The following TRIM17 variants were observed in gnomAD, a reference collection of about 807,000 sequenced individuals.
TRIM17 encodes the protein tripartite motif containing 17, also known as E3 ubiquitin-protein ligase TRIM17.
TRIM17 carries 27 observed loss-of-function variants against 35.8 expected under a neutral mutation model. The ratio of observed to expected loss-of-function variants is 0.75; its 90% CI spans 0.56 to 1.04. TRIM17 has a LOEUF of 1.04. Ranked by LOEUF, TRIM17 falls within the 50% of genes least tolerant of loss-of-function variation. The pLI is 0.00. For synonymous variants in TRIM17, 246 were observed against 252.6 expected, an observed-to-expected ratio of 0.97 and a Z score of 0.25; for missense variants, 582 against 612.8, an observed-to-expected ratio of 0.95 and a Z score of 0.53.
intron 5 of TRIM17, 50 bp from the exon 6 acceptor site, chr1:228,409,325 G>A (rs1214118404): frequency 1.2e-6 from 2 of 1,609,180 alleles, no homozygotes; most frequent in East Asian, 4.5e-5. Context: ...TGGCCCGACA[G>A]TCTTATTGTC....
rs1278856933 is a variant in TRIM17 at position 228,408,397 on chromosome 1, T to C, written c.1238A>G (p.Glu413Gly). 1 of 1,614,136 alleles carries C rather than the reference T, an allele frequency of 6.2e-7. No homozygotes were observed. ...FSALTPVMLM[E>G]PPSHMGIFLD... ...GAAGATGCCCATGTGGCTGGGAGGC[T>C]CCATCAGCATGACCGGGGTTAGGGC... Residue 413 changes from glutamate to glycine, a missense_variant, in exon 7 of 7, where the codon GAG (glutamate) becomes GGG (glycine). Transcript: ENST00000366698. The surrounding 1 kb of genome is among the most constrained non-coding windows in gnomAD (Gnocchi z 6.3).
Position 228,411,397 on chromosome 1 carries a change from C to T in TRIM17, c.526-221G>A, listed in dbSNP as rs936730377. Among the ~76,000 whole-genome samples the T allele has an allele frequency of 6.6e-6, 1 of 152,238 alleles. No individual in the cohort carries two copies. Among genetic ancestry groups the T allele is most frequent in the Non-Finnish European group, 1.5e-5 (1 of 68,034 alleles). On this transcript the variant is annotated intron_variant, in intron 3 of 6. Transcript: ENST00000366698. The surrounding 1 kb of genome is among the most constrained non-coding windows in gnomAD (Gnocchi z 4.2). ...TGCAACTTCTACACATCCAAACACC[C>T]ATGCACCCTTGCTCTGAGGAGGTTC...
At chr1:228,415,243 A>T (rs948110624) in intron 1 of TRIM17, 130 bp from the exon 2 acceptor site, 4 of 731,152 alleles carry the variant, frequency 5.5e-6, no homozygotes, top group Middle Eastern at 4.0e-4. Context: ...CATCATTTTT[A>T]GCCTTGTCAA....
chr1:228,414,259 C>T (rs191399632), intron 2 of TRIM17, among the ~76,000 whole-genome samples: 4 of 152,350 alleles, frequency 2.6e-5, no homozygotes, highest in South Asian at 4.1e-4. Context: ...TCCTCAGGTA[C>T]ATGTTTGGCT....
chr1:228,414,166 G>GA (rs891232735), intron 2 of TRIM17, among the ~76,000 whole-genome samples: 1 of 152,218 alleles, frequency 6.6e-6, no homozygotes, highest in Non-Finnish European at 1.5e-5. Context: ...AGGCCAGGAG[G>GA]AAAGCCATGT....
rs1474529369 is a variant in TRIM17 at position 228,416,551 on chromosome 1, G to C, written c.-54C>G. On this transcript the variant is annotated 5_prime_UTR_variant, in exon 1 of 7. Transcript: ENST00000366698. ...GGGGGCTACTCACCGCGGGGAAGGG[G>C]GGCCCGCACAGCGCCTAGTGCACCT... The C allele has an allele frequency of 1.0e-5, 10 of 985,472 alleles. No individual in the cohort carries two copies. The highest frequency in any genetic ancestry group is 1.2e-5 in the Non-Finnish European group (10 of 830,300). The allele number at this position is 985,472 out of a possible 1,614,324, so 61.0% of individuals were successfully genotyped here. A position where few individuals can be genotyped will look rare whatever the true frequency, so the allele number is the denominator to read the frequency against.
chr1:228,412,869 C>T (rs762708586), intron 3 of TRIM17, among the ~76,000 whole-genome samples: 4 of 152,052 alleles, frequency 2.6e-5, no homozygotes, highest in Admixed American at 2.6e-4. Context: ...ATTGAGAACC[C>T]GCAGAAGCAG....
In TRIM17 at chr1:228,409,190, C is replaced by T. The variant is rs766246108; in HGVS notation, c.865G>A (p.Val289Met). The T allele has an allele frequency of 6.2e-7, 1 of 1,614,074 alleles. No homozygotes were observed. The highest frequency in any genetic ancestry group is 8.5e-7 in the Non-Finnish European group (1 of 1,180,000). The change falls in exon 6 of 7, where the codon GTG becomes ATG. Residue 289 changes from valine to methionine, a missense_variant. Physicochemically the swap from Val to Met is conservative, Grantham distance 21 (BLOSUM62 1). Transcript: ENST00000366698. ...CACTTACCTAGAAAGCCTCTTAGCA[C>T]TTCAATCTGTCCGGGAACTCTGCAC... ...TVCRVPGQIE[V>M]LRGFLEDVVP...
Position 228,408,913 on chromosome 1 carries a change from C to T in TRIM17, c.884-162G>A. 1 of 1,485,862 alleles carries T rather than the reference C, an allele frequency of 6.7e-7. No individual in the cohort carries two copies. The highest frequency in any genetic ancestry group is 9.0e-7 in the Non-Finnish European group (1 of 1,114,620). The allele number at this position is 1,485,862 out of a possible 1,614,324, so 92.0% of individuals were successfully genotyped here. A position where few individuals can be genotyped will look rare whatever the true frequency, so the allele number is the denominator to read the frequency against. On this transcript the variant is annotated intron_variant, in intron 6 of 6. Transcript: ENST00000366698. This position sits in a 1 kb window ranked among gnomAD's most constrained non-coding sequence, Gnocchi z 6.3. ...TGGGGTTACTTGATGCTTCCACACA[C>T]CAATTGTGTGTGGGCCTTGGTGGCA...
At chr1:228,413,676 G>C in intron 3 of TRIM17, 121 bp downstream of exon 3, 1 of 738,504 alleles carries the variant, frequency 1.4e-6, no homozygotes. Context: ...TAGAAGGGTA[G>C]AGGCAACTTT....
chr1:228,415,303 A>C, intron 1 of TRIM17, 190 bp from the exon 2 acceptor site: 1 of 537,762 alleles, frequency 1.9e-6, no homozygotes. Flanking sequence ...TCCCTGACCA[A>C]TGCTCTGCAG....
chr1:228,408,774 A>T lies in TRIM17; in HGVS notation c.884-23T>A, dbSNP rs1433528502. 1 of 1,586,844 alleles carries T rather than the reference A, an allele frequency of 6.3e-7. No homozygotes were observed. The highest frequency in any genetic ancestry group is 8.5e-7 in the Non-Finnish European group (1 of 1,172,532). The stretch of plus-strand genomic sequence containing the variant: ...CCTCTGTAGATGGGCGTGGTGGTGG[A>T]GAGATGGGGAGAGGTGTGGGGCATT... On this transcript the variant is annotated intron_variant, in intron 6 of 6. Coordinates refer to ENST00000366698, the MANE Select transcript of TRIM17 (RefSeq NM_016102.4). The surrounding 1 kb of genome is among the most constrained non-coding windows in gnomAD (Gnocchi z 6.3).
Position 228,415,130 on chromosome 1 carries a change from G to A in TRIM17, c.-41-17C>T. The A allele has an allele frequency of 1.3e-6, 2 of 1,529,940 alleles. No individual in the cohort carries two copies. Among genetic ancestry groups the A allele is most frequent in the Non-Finnish European group, 8.8e-7 (1 of 1,137,862 alleles). 94.8% of individuals were successfully genotyped at this position (1,529,940 alleles called of 1,614,324 possible). The stretch of plus-strand genomic sequence containing the variant: ...TGAGGGACTCTGGAGAGAGTTGGAG[G>A]GAGCAGCCCGATGATCTGGGCGCCG... On this transcript the variant is annotated splice_polypyrimidine_tract_variant and intron_variant, in intron 1 of 6. Transcript: ENST00000366698.
In TRIM17 at chr1:228,414,649, A is replaced by ACC; in HGVS notation, c.422_423dup (p.Tyr142GlyfsTer4). On this transcript the variant is annotated frameshift_variant, in exon 2 of 7. Coordinates refer to ENST00000366698, the MANE Select transcript of TRIM17 (RefSeq NM_016102.4). LOFTEE classifies it high-confidence loss of function. Reference sequence around the variant, plus strand: ...TGGGCCCCGATGTGGCCTACCTTGTACCCCTGCACTGCCTCCTCGGCGGGC... The same window carrying ACC: ...TGGGCCCCGATGTGGCCTACCTTGTACCCCCCTGCACTGCCTCCTCGGCGGGC... 6.2e-7 allele frequency: 1 copy of ACC among 1,610,858 alleles called. No individual in the cohort carries two copies. The highest frequency in any genetic ancestry group is 1.3e-5 in the African/African-American group (1 of 74,830).
chr1:228,408,080 CCCT>C lies in TRIM17; in HGVS notation c.*118_*120del. ...ATTATATTTAGAATTTGAGAAACCCCCCTGTGTGTCTAATGGCTGCCAGCGTGA... is the reference window on the plus strand; with the variant it reads ...ATTATATTTAGAATTTGAGAAACCCCGTGTGTCTAATGGCTGCCAGCGTGA... On this transcript the variant is annotated 3_prime_UTR_variant, in exon 7 of 7. Coordinates refer to ENST00000366698, the MANE Select transcript of TRIM17 (RefSeq NM_016102.4). The surrounding 1 kb of genome is among the most constrained non-coding windows in gnomAD (Gnocchi z 6.3). 2.3e-6 allele frequency: 2 copies of C among 884,818 alleles called. No homozygotes were observed. The highest frequency in any genetic ancestry group is 3.4e-6 in the Non-Finnish European group (2 of 586,650). 54.8% of individuals were successfully genotyped at this position (884,818 alleles called of 1,614,324 possible).
Position 228,415,090 on chromosome 1 carries a change from A to T in TRIM17, c.-18T>A. On this transcript the variant is annotated 5_prime_UTR_variant, in exon 2 of 7. Transcript: ENST00000366698. ...GCCTCCATGGCTCCTGGGAGACACG[A>T]GGCAGGTTCCCGCTTGAGGGACTCT... 9 of 1,589,688 alleles carry T rather than the reference A, an allele frequency of 5.7e-6. No homozygotes were observed. The highest frequency in any genetic ancestry group is 7.7e-6 in the Non-Finnish European group (9 of 1,165,056).
At position 228,416,630 on chromosome 1, in the gene TRIM17, G is replaced by T; in HGVS notation, c.-133C>A. Reference sequence around the variant, plus strand: ...GGGTCTGCCCCCACGAAGCCCAGGAGGCTGCGGCCCGGCCCGGGGCGTGGG... The same window carrying T: ...GGGTCTGCCCCCACGAAGCCCAGGATGCTGCGGCCCGGCCCGGGGCGTGGG... On this transcript the variant is annotated 5_prime_UTR_variant, in exon 1 of 7. Coordinates refer to ENST00000366698, the MANE Select transcript of TRIM17 (RefSeq NM_016102.4). The T allele has an allele frequency of 1.0e-6, 1 of 985,470 alleles. No individual in the cohort carries two copies. The highest frequency in any genetic ancestry group is 1.1e-4 in the East Asian group (1 of 8,736). The allele number at this position is 985,470 out of a possible 1,614,324, so 61.0% of individuals were successfully genotyped here.
At chr1:228,409,451 C>A in intron 4 of TRIM17, 40 bp from the exon 5 acceptor site, 1 of 1,476,168 alleles carries the variant, frequency 6.8e-7, no homozygotes. Context: ...GTGAGCCAAG[C>A]TCCTGGCTCA....
chr1:228,415,063 C>T lies in TRIM17; in HGVS notation c.10G>A (p.Val4Met). Residue 4 changes from valine to methionine, a missense_variant, in exon 2 of 7, where the codon GTG becomes ATG. Transcript: ENST00000366698. Reference protein sequence around the residue: MEAVELARKLQEEA... With the variant: MEAMELARKLQEEA... The stretch of plus-strand genomic sequence containing the variant: ...TCCTGCAGTTTTCTGGCGAGTTCCA[C>T]AGCCTCCATGGCTCCTGGGAGACAC... 6.2e-7 allele frequency: 1 copy of T among 1,602,636 alleles called. No homozygotes were observed. Among genetic ancestry groups the T allele is most frequent in the Non-Finnish European group, 8.5e-7 (1 of 1,171,924 alleles).
Sources: gnomAD v4.1 joint callset for allele counts (sites outside exome capture counted in the v4.1 genomes callset) on GRCh38, gnomAD v4.1.1 for gene constraint, Gnocchi (gnomAD v3.1) non-coding constraint, MANE v1.5 for transcripts, NCBI Gene and HGNC (gene_info 2026-07-23, HGNC 2026-07-21) for gene names.